RAB33A: variants seen among roughly 807,000 people sequenced by gnomAD.
RAB33A encodes the protein ras-related protein Rab-33A.
RAB33A carries 6 observed loss-of-function variants against 12.0 expected under a neutral mutation model. That is an observed-to-expected ratio of 0.50 (90% CI 0.27 to 0.99). The LOEUF (loss-of-function observed/expected upper bound fraction) is 0.99, where lower values mean the gene tolerates loss of function less well. Ranked by LOEUF, RAB33A falls within the 50% of genes least tolerant of loss-of-function variation. The pLI, the probability that RAB33A is intolerant of heterozygous loss-of-function variation, is 0.11. For missense variants in RAB33A, 109 were observed against 192.0 expected, an observed-to-expected ratio of 0.57 and a Z score of 2.55; for synonymous variants, 70 against 82.4, an observed-to-expected ratio of 0.85 and a Z score of 0.81.
chrX:130,133,560 T>C, the RAB33A span: 1 of 980,008 alleles, frequency 1.0e-6, no homozygotes, highest in East Asian at 3.1e-5. Context: ...TAATGGTAAC[T>C]AATTCATGTT....
chrX:130,149,632 T>C, the RAB33A span: 2 of 806,442 alleles, frequency 2.5e-6, no homozygotes, highest in Non-Finnish European at 3.8e-6. Flanking sequence ...GTAAGTAATA[T>C]TATCTTTCAA....
the RAB33A span, chrX:130,129,763 C>A: frequency 1.3e-6 from 1 of 758,679 alleles, no homozygotes; most frequent in South Asian, 2.2e-5. Context: ...CTACTAACCC[C>A]AAACAAGCAG....
the RAB33A span, among the ~76,000 whole-genome samples, chrX:130,127,259 T>A: frequency 9.0e-6 from 1 of 111,478 alleles, no homozygotes; most frequent in East Asian, 2.8e-4. Flanking sequence ...CTGTGGCTGA[T>A]CTCTCCATTC....
chrX:130,123,461 C>T, the RAB33A span, among the ~76,000 whole-genome samples: 27 of 110,286 alleles, frequency 2.4e-4, no homozygotes, highest in South Asian at 0.01. Flanking sequence ...TGTGGGAGGC[C>T]GAGATGGATC....
At chrX:130,117,584 A>G in the RAB33A span, among the ~76,000 whole-genome samples, 58,777 of 110,763 alleles carry the variant, frequency 0.53, 12,074 homozygotes, top group African/African-American at 0.77. Context: ...AAAAAAAAAA[A>G]TGAGGACGAA....
chrX:130,124,714 C>T, the RAB33A span, among the ~76,000 whole-genome samples: 121 of 112,606 alleles, frequency 1.1e-3, 1 homozygote, highest in Middle Eastern at 0.019. Context: ...AGAAAGAAGG[C>T]GCCCCATGGG....
At chrX:130,166,045 TTTGA>T in the RAB33A span, among the ~76,000 whole-genome samples, 1 of 112,079 alleles carries the variant, frequency 8.9e-6, no homozygotes, top group Non-Finnish European at 1.9e-5. Flanking sequence ...GTGGGGCCGC[TTTGA>T]TTGGCGGTTG....
At chrX:130,181,007 C>CAA (rs60085312) in intron 1 of RAB33A, among the ~76,000 whole-genome samples, 2,614 of 8,124 alleles carry the variant, frequency 0.32, 984 homozygotes, top group African/African-American at 0.63. Flanking sequence ...CAGTCCATCT[C>CAA]AAAAAAAAAA....
At chrX:130,124,060 C>T in the RAB33A span, among the ~76,000 whole-genome samples, 1 of 111,823 alleles carries the variant, frequency 8.9e-6, no homozygotes, top group Non-Finnish European at 1.9e-5. Context: ...CAAAGTGAGA[C>T]CCCATCTCTA....
chrX:130,151,098 A>C, the RAB33A span, among the ~76,000 whole-genome samples: 12 of 109,581 alleles, frequency 1.1e-4, no homozygotes, highest in Admixed American at 8.7e-4. Context: ...GATTAATTGT[A>C]GGAGAAAGTA....
At chrX:130,120,731 G>C in the RAB33A span, among the ~76,000 whole-genome samples, 1 of 111,916 alleles carries the variant, frequency 8.9e-6, no homozygotes, top group African/African-American at 3.2e-5. Context: ...CTCGAGTTCG[G>C]GGACGGCCTG....
chrX:130,144,991 C>A, the RAB33A span, among the ~76,000 whole-genome samples: 1 of 111,974 alleles, frequency 8.9e-6, no homozygotes, highest in Non-Finnish European at 1.9e-5. Context: ...AGTTTACACA[C>A]ACACTCTAGT....
At chrX:130,177,717 C>T (rs932252357) in intron 1 of RAB33A, among the ~76,000 whole-genome samples, 16 of 111,317 alleles carry the variant, frequency 1.4e-4, no homozygotes, top group African/African-American at 4.9e-4. Flanking sequence ...CTAAGGACAC[C>T]TAACTTATCT....
At chrX:130,130,935 A>C in the RAB33A span, among the ~76,000 whole-genome samples, 1 of 112,505 alleles carries the variant, frequency 8.9e-6, no homozygotes, top group Non-Finnish European at 1.9e-5. Flanking sequence ...AGAATTAAGG[A>C]ATATGGAATA....
chrX:130,176,262 G>T (rs182244344), intron 1 of RAB33A, among the ~76,000 whole-genome samples: 1 of 112,131 alleles, frequency 8.9e-6, no homozygotes, highest in Non-Finnish European at 1.9e-5. Context: ...GGAAAATGCC[G>T]AATAGGGGTG....
chrX:130,167,818 T>A (rs201384649), upstream of RAB33A, among the ~76,000 whole-genome samples: 1 of 109,178 alleles, frequency 9.2e-6, no homozygotes, highest in East Asian at 2.9e-4. Context: ...CTGGCAAGAG[T>A]TGGGCCCTAA....
chrX:130,149,036 C>T, the RAB33A span, among the ~76,000 whole-genome samples: 1 of 104,579 alleles, frequency 9.6e-6, no homozygotes, highest in Non-Finnish European at 2.0e-5. Context: ...ATTCTCATGC[C>T]TCAGCCTCCC....
chrX:130,153,375 G>T, the RAB33A span, among the ~76,000 whole-genome samples: 7 of 94,454 alleles, frequency 7.4e-5, no homozygotes, highest in East Asian at 3.2e-4. Context: ...AAAAAAAAAA[G>T]TCGGCAGTTT....
At chrX:130,114,258 A>G in the RAB33A span, among the ~76,000 whole-genome samples, 3 of 111,965 alleles carry the variant, frequency 2.7e-5, no homozygotes, top group Non-Finnish European at 1.9e-5. Context: ...TGGGAATCCC[A>G]TAAGTTCCCA....
Sources: allele counts gnomAD v4.1 joint callset (sites outside exome capture counted in the v4.1 genomes callset), GRCh38; gene constraint gnomAD v4.1.1; transcripts MANE v1.5; gene names NCBI Gene and HGNC (gene_info 2026-07-23, HGNC 2026-07-21).